Variants in LMOD2 observed in about 807,000 individuals in gnomAD.
LMOD2 encodes leiomodin 2.
Under a neutral mutation model 41.7 loss-of-function variants are expected in LMOD2, and 27 were observed. The ratio of observed to expected loss-of-function variants is 0.65; its 90% CI spans 0.48 to 0.89. The LOEUF (loss-of-function observed/expected upper bound fraction) is 0.89, where lower values mean the gene tolerates loss of function less well. Among genes scored for constraint, LMOD2 ranks in the 40% least tolerant of loss-of-function variants. LMOD2 has a pLI of 0.00. For synonymous variants in LMOD2, 251 were observed against 244.6 expected, an observed-to-expected ratio of 1.03 and a Z score of -0.25; for missense variants, 624 against 667.9, an observed-to-expected ratio of 0.93 and a Z score of 0.72.
Position 123,661,778 on chromosome 7 carries a change from T to C in LMOD2, c.274-82T>C, listed in dbSNP as rs1454202850. 3 of 841,218 alleles carry C rather than the reference T, an allele frequency of 3.6e-6. No individual in the cohort carries two copies. In the African/African-American group the frequency reaches 5.2e-5, roughly 14 times the overall value. 52.1% of individuals were successfully genotyped at this position (841,218 alleles called of 1,614,324 possible). A position where few individuals can be genotyped will look rare whatever the true frequency, so the allele number is the denominator to read the frequency against. On this transcript the variant is annotated intron_variant, in intron 1 of 2. Coordinates refer to ENST00000458573, the MANE Select transcript of LMOD2 (RefSeq NM_207163.3). ...TATTATAAACTTATGTCACTTGCCA[T>C]GTGCTACTTTTGCAAGTTAAAAAAT...
chr7:123,656,499 T>C (rs943082960), intron 1 of LMOD2, among the ~76,000 whole-genome samples: 1 of 152,200 alleles, frequency 6.6e-6, no homozygotes, highest in Non-Finnish European at 1.5e-5. Flanking sequence ...TAATTCACAA[T>C]CAGTGTATGG....
At chr7:123,661,549 G>T (rs922290814) in intron 1 of LMOD2, among the ~76,000 whole-genome samples, 1 of 152,182 alleles carries the variant, frequency 6.6e-6, no homozygotes, top group African/African-American at 2.4e-5. Context: ...ATTTATCAAG[G>T]GTTTTCCAAA....
chr7:123,659,652 C>T (rs1802842581), intron 1 of LMOD2, among the ~76,000 whole-genome samples: 1 of 152,204 alleles, frequency 6.6e-6, no homozygotes, highest in African/African-American at 2.4e-5. Context: ...ATGCTAAGCA[C>T]TGTGCTAGGT....
At chr7:123,663,672 T>G (rs1802927393) in intron 2 of LMOD2, 47 bp from the exon 3 acceptor site, 1 of 1,519,814 alleles carries the variant, frequency 6.6e-7, no homozygotes, top group Non-Finnish European at 9.0e-7. Context: ...TATTTTTCAC[T>G]TATCATGTGT....
chr7:123,663,460 A>C, intron 2 of LMOD2: 1 of 605,362 alleles, frequency 1.7e-6, no homozygotes, highest in Non-Finnish European at 2.9e-6. Context: ...TACACGTCCC[A>C]ATTCCCTTAA....
chr7:123,662,186 G>A lies in LMOD2; in HGVS notation c.600G>A (p.Glu200=). Residue 200 remains glutamate, a synonymous_variant, in exon 2 of 3, where the codon GAG becomes GAA. Coordinates refer to ENST00000458573, the MANE Select transcript of LMOD2 (RefSeq NM_207163.3). This position sits in a 1 kb window ranked among gnomAD's most constrained non-coding sequence, Gnocchi z 4.0. ...CTTGTGGAAATCCTACAGTGATTGA[G>A]GACGCTTTGGACAAGATTAAAAGCA... ...IHPCGNPTVI[E]DALDKIKSND... 2 of 1,613,900 alleles carry A rather than the reference G, an allele frequency of 1.2e-6. No homozygotes were observed. Among genetic ancestry groups the A allele is most frequent in the Non-Finnish European group, 1.7e-6 (2 of 1,179,880 alleles).
At position 123,663,899 on chromosome 7, in the gene LMOD2, A is replaced by G. The variant is rs1000927429; in HGVS notation, c.*154A>G. On this transcript the variant is annotated 3_prime_UTR_variant, in exon 3 of 3. Coordinates refer to ENST00000458573, the MANE Select transcript of LMOD2 (RefSeq NM_207163.3). ...ATTCCAAAGAGAATCTTAAGAAACAATCAGCATGTTTCTTCTGTAAATATG... is the reference window on the plus strand; with the variant it reads ...ATTCCAAAGAGAATCTTAAGAAACAGTCAGCATGTTTCTTCTGTAAATATG... 3 of 635,078 alleles carry G rather than the reference A, an allele frequency of 4.7e-6. No homozygotes were observed. The highest frequency in any genetic ancestry group is 3.2e-5 in the Admixed American group (1 of 31,410). The allele number at this position is 635,078 out of a possible 1,614,324, so 39.3% of individuals were successfully genotyped here.
Position 123,662,359 on chromosome 7 carries a change from T to C in LMOD2, c.773T>C (p.Met258Thr), listed in dbSNP as rs898101950. 3 of 1,613,978 alleles carry C rather than the reference T, an allele frequency of 1.9e-6. No individual in the cohort carries two copies. The highest frequency in any genetic ancestry group is 1.6e-4 in the Middle Eastern group (1 of 6,062). The change falls in exon 2 of 3, where the codon ATG becomes ACG. Residue 258 changes from methionine to threonine, a missense_variant. By Grantham distance (81) the Met-to-Thr change is moderately conservative. Transcript: ENST00000458573. The surrounding 1 kb of genome is among the most constrained non-coding windows in gnomAD (Gnocchi z 4.0). ...ACGCATGCCGACGACAGTGCAGCCA[T>C]GGCCATTGCAGAGATGCTCAAAGTC... ...ANTHADDSAA[M>T]AIAEMLKVNE...
In LMOD2 at chr7:123,658,299, C is replaced by T. The variant is rs545387035; in HGVS notation, c.273+2063C>T. On this transcript the variant is annotated intron_variant, in intron 1 of 2. Transcript: ENST00000458573. Reference sequence around the variant, plus strand: ...TGGCCAGCTGTCTGTAGTTGCCAGGCATGATGAGCAGGAACTTGCTGATGG... The same window carrying T: ...TGGCCAGCTGTCTGTAGTTGCCAGGTATGATGAGCAGGAACTTGCTGATGG... Among the ~76,000 whole-genome samples, 190 of 152,220 alleles carry T rather than the reference C, an allele frequency of 1.2e-3. 1 individual carries two copies. Among genetic ancestry groups the T allele is most frequent in the Non-Finnish European group, 2.2e-3 (147 of 68,012 alleles).
At position 123,656,114 on chromosome 7, in the gene LMOD2, A is replaced by C. The variant is rs1335354967; in HGVS notation, c.151A>C (p.Arg51=). The C allele has an allele frequency of 8.7e-6, 14 of 1,610,970 alleles. No homozygotes were observed. The East Asian group carries it at 8.9e-5, about 10-fold the overall frequency. The stretch of plus-strand genomic sequence containing the variant: ...TGACCGCAACCTTCCCGTGGGGCTA[A>C]GGCAAAAGAGCCTGACAGAGAAAAC... ...EPDRNLPVGL[R]QKSLTEKTPT... is the part of the protein sequence containing the mutation. Residue 51 remains arginine (R), a synonymous_variant, in exon 1 of 3, where the codon AGG becomes CGG. Transcript: ENST00000458573.
Position 123,663,112 on chromosome 7 carries a change from AAG to A in LMOD2, c.1528_1529del (p.Asp510GlnfsTer13), listed in dbSNP as rs866503856. ...AGGTCAGTGCAAGAGAAGAAAATGGAAGACAGTTCCCGACCTTCTACCCCACA... is the reference window on the plus strand; with the variant it reads ...AGGTCAGTGCAAGAGAAGAAAATGGAACAGTTCCCGACCTTCTACCCCACA... On this transcript the variant is annotated frameshift_variant, in exon 2 of 3. Coordinates refer to ENST00000458573, the MANE Select transcript of LMOD2 (RefSeq NM_207163.3). LOFTEE classifies it high-confidence loss of function. 2 of 1,564,408 alleles carry A rather than the reference AAG, an allele frequency of 1.3e-6. No homozygotes were observed. The highest frequency in any genetic ancestry group is 1.7e-6 in the Non-Finnish European group (2 of 1,154,242).
In LMOD2 at chr7:123,656,085, A is replaced by G. The variant is rs751953616; in HGVS notation, c.122A>G (p.Glu41Gly). The stretch of plus-strand genomic sequence containing the variant: ...CTAGAGAGAGAGTTGGAAGACATTG[A>G]ACCTGACCGCAACCTTCCCGTGGGG... ...KELERELEDI[E>G]PDRNLPVGLR... Residue 41 changes from glutamate (E) to glycine (G), a missense_variant, in exon 1 of 3, where the codon GAA becomes GGA. Glu to Gly is a moderately conservative substitution (Grantham distance 98). Transcript: ENST00000458573. 1 of 1,612,040 alleles carries G rather than the reference A, an allele frequency of 6.2e-7. No homozygotes were observed. Among genetic ancestry groups the G allele is most frequent in the Non-Finnish European group, 8.5e-7 (1 of 1,179,088 alleles).
intron 1 of LMOD2, among the ~76,000 whole-genome samples, chr7:123,657,991 T>TAAAAAAAA (rs10693592): frequency 2.2e-5 from 2 of 90,574 alleles, no homozygotes; most frequent in Non-Finnish European, 4.1e-5. Context: ...CTTGTCTCAT[T>TAAAAAAAA]AAAAAAAAAA....
Position 123,663,070 on chromosome 7 carries a change from A to C in LMOD2, c.1484A>C (p.Glu495Ala), listed in dbSNP as rs1802915482. ...VKKQPNSILK[E>A]IKNSLRSVQE... ...AAACAGCCAAACAGTATTCTAAAGG[A>C]AATAAAAAATTCTCTGAGGTCAGTG... Residue 495 changes from glutamate (E) to alanine (A), a missense_variant, in exon 2 of 3, where the codon GAA becomes GCA. Coordinates refer to ENST00000458573, the MANE Select transcript of LMOD2 (RefSeq NM_207163.3). 6.4e-7 allele frequency: 1 copy of C among 1,558,314 alleles called. No homozygotes were observed. The highest frequency in any genetic ancestry group is 1.2e-5 in the South Asian group (1 of 84,290).
At chr7:123,663,425 C>T in intron 2 of LMOD2, 1 of 621,384 alleles carries the variant, frequency 1.6e-6, no homozygotes, top group Non-Finnish European at 2.8e-6. Flanking sequence ...GCCTCTCAAT[C>T]ATATAAGGGC....
rs1227667628 is a variant in LMOD2, at chr7:123,655,911, G to A, written c.-53G>A. ...CTTGCCTCCCTGCCTGCTTCTGGCC[G>A]CCTTGAATGCCTGGTCCTTCAAGCT... On this transcript the variant is annotated 5_prime_UTR_variant, in exon 1 of 3. Transcript: ENST00000458573. The A allele has an allele frequency of 9.1e-6, 14 of 1,532,838 alleles. No homozygotes were observed. Among genetic ancestry groups the A allele is most frequent in the African/African-American group, 1.4e-5 (1 of 73,352 alleles). 95.0% of individuals were successfully genotyped at this position (1,532,838 alleles called of 1,614,324 possible). A position where few individuals can be genotyped will look rare whatever the true frequency, so the allele number is the denominator to read the frequency against.
rs1013262427 is a variant in LMOD2, at chr7:123,663,678, T to C, written c.1618-41T>C. On this transcript the variant is annotated intron_variant, in intron 2 of 2. Transcript: ENST00000458573. ...TCCTACAGATATTTTTCACTTATCATGTGTGTTGTTTCATTGAGAGAAAAT... is the reference window on the plus strand; with the variant it reads ...TCCTACAGATATTTTTCACTTATCACGTGTGTTGTTTCATTGAGAGAAAAT... 12 of 1,539,140 alleles carry C rather than the reference T, an allele frequency of 7.8e-6. No homozygotes were observed. The Admixed American group carries it at 1.9e-4, about 25-fold the overall frequency.
chr7:123,663,620 G>A, intron 2 of LMOD2, 99 bp from the exon 3 acceptor site: 1 of 973,154 alleles, frequency 1.0e-6, no homozygotes, highest in South Asian at 1.5e-5. Context: ...TAATCAACCT[G>A]AGTTCTTCTC....
In LMOD2 at chr7:123,662,589, T is replaced by C; in HGVS notation, c.1003T>C (p.Phe335Leu). 1 of 1,613,900 alleles carries C rather than the reference T, an allele frequency of 6.2e-7. No homozygotes were observed. Among genetic ancestry groups the C allele is most frequent in the Non-Finnish European group, 8.5e-7 (1 of 1,179,882 alleles). The change falls in exon 2 of 3, where the codon TTT (phenylalanine) becomes CTT (leucine). Residue 335 changes from phenylalanine (F) to leucine (L), a missense_variant. Transcript: ENST00000458573. This position sits in a 1 kb window ranked among gnomAD's most constrained non-coding sequence, Gnocchi z 4.0. ...NTTLLRLGYH[F>L]ELPGPRMSMT... is the part of the protein sequence containing the mutation. ...GACGCTGCTGAGGCTGGGATACCAT[T>C]TTGAACTCCCAGGACCAAGAATGAG... is the stretch of plus-strand genomic sequence containing the variant.
Sources: gnomAD v4.1 joint callset for allele counts (sites outside exome capture counted in the v4.1 genomes callset) on GRCh38, gnomAD v4.1.1 for gene constraint, Gnocchi (gnomAD v3.1) non-coding constraint, MANE v1.5 for transcripts, NCBI Gene and HGNC (gene_info 2026-07-23, HGNC 2026-07-21) for gene names.